Variants in CSMD1 observed in about 807,000 individuals in gnomAD.
CSMD1 encodes CUB and Sushi multiple domains 1, also known as CUB and sushi domain-containing protein 1.
In CSMD1, 213 loss-of-function variants were observed where a neutral mutation model predicts 417.5. The observed-to-expected ratio is 0.51, with a 90% CI of 0.46 to 0.57. The LOEUF is 0.57. CSMD1 is among the 20% of genes least tolerant of loss of function. CSMD1 has a pLI of 0.00. For synonymous variants in CSMD1, 2,862 were observed against 1,736.8 expected, an observed-to-expected ratio of 1.65 and a Z score of -16.11; for missense variants, 6,923 against 4,529.7, an observed-to-expected ratio of 1.53 and a Z score of -15.17.
At position 4,532,688 on chromosome 8, in the gene CSMD1, T is replaced by G. The variant is rs567453585; in HGVS notation, c.302+104654A>C. Among the ~76,000 whole-genome samples the G allele has an allele frequency of 3.3e-5, 4 of 121,092 alleles. No individual in the cohort carries two copies. The South Asian group carries it at 1.1e-3, about 34-fold the overall frequency. 79.4% of individuals were successfully genotyped at this position (121,092 alleles called of 152,430 possible). A position where few individuals can be genotyped will look rare whatever the true frequency, so the allele number is the denominator to read the frequency against. ...CCGGAAGAGAAATCCTGCACCCCCA[T>G]TCAATCACTTTGAAAAGAAATCCTG... On this transcript the variant is annotated intron_variant, in intron 2 of 69. Coordinates refer to ENST00000635120, the MANE Select transcript of CSMD1 (RefSeq NM_033225.6).
chr8:3,307,705 T>A lies in CSMD1; in HGVS notation c.3940A>T (p.Lys1314Ter). ...CTWIIEADPG[K>*]TISLHFIVFD... ...AAATAAAACAAGTACCTAATGGTCT[T>A]TCCTGGGTCTGCCTCTATAATCCAG... The change falls in exon 25 of 70, where the codon AAG becomes TAG. Residue 1314 changes from lysine to a stop codon, truncating the protein, a stop_gained. Transcript: ENST00000635120. LOFTEE classifies it high-confidence loss of function. 6.2e-7 allele frequency: 1 copy of A among 1,613,464 alleles called. No individual in the cohort carries two copies.
chr8:4,457,990 C>G (rs562146762), intron 2 of CSMD1, among the ~76,000 whole-genome samples: 9 of 152,262 alleles, frequency 5.9e-5, no homozygotes, highest in African/African-American at 2.2e-4. Context: ...TGGCACTTCC[C>G]CTGAGAGGTA....
At chr8:4,742,560 AAG>A (rs1810691774) in intron 1 of CSMD1, among the ~76,000 whole-genome samples, 1 of 152,064 alleles carries the variant, frequency 6.6e-6, no homozygotes. Flanking sequence ...CTGAGCATGT[AAG>A]AGAAATGTTT....
chr8:4,845,189 A>G (rs1801073077), intron 1 of CSMD1, among the ~76,000 whole-genome samples: 2 of 152,140 alleles, frequency 1.3e-5, no homozygotes, highest in Non-Finnish European at 2.9e-5. Flanking sequence ...ATAACACATT[A>G]TTACACAAAT....
intron 5 of CSMD1, among the ~76,000 whole-genome samples, chr8:3,987,527 G>T (rs1050002139): frequency 6.6e-6 from 1 of 152,148 alleles, no homozygotes; most frequent in African/African-American, 2.4e-5. Context: ...AAATCTGGGA[G>T]TCTGACTCTA....
chr8:4,753,265 T>A (rs1811453668), intron 1 of CSMD1, among the ~76,000 whole-genome samples: 1 of 152,068 alleles, frequency 6.6e-6, no homozygotes, highest in South Asian at 2.1e-4. Flanking sequence ...AAAGAAAATT[T>A]CCCTTATATT....
At chr8:3,426,083 C>G (rs1015631338) in intron 12 of CSMD1, among the ~76,000 whole-genome samples, 6 of 152,108 alleles carry the variant, frequency 3.9e-5, no homozygotes, top group African/African-American at 1.2e-4. Context: ...TGTAAAAAAG[C>G]AGAACAGACT....
chr8:4,460,689 G>C (rs1799760195), intron 2 of CSMD1, among the ~76,000 whole-genome samples: 1 of 152,006 alleles, frequency 6.6e-6, no homozygotes, highest in African/African-American at 2.4e-5. Context: ...ATAAACATCT[G>C]GTAGTCAACA....
chr8:4,374,410 G>T (rs899006298), intron 3 of CSMD1, among the ~76,000 whole-genome samples: 1 of 152,158 alleles, frequency 6.6e-6, no homozygotes, highest in Non-Finnish European at 1.5e-5. Flanking sequence ...GGGGCTGAAG[G>T]CACCTGAAAA....
rs147504134 is a variant in CSMD1 at position 4,482,184 on chromosome 8, T to G, written c.303-62119A>C. Among the ~76,000 whole-genome samples the G allele has an allele frequency of 4.1e-3, 631 of 152,256 alleles. 4 individuals carry two copies. The highest frequency in any genetic ancestry group is 6.9e-3 in the Non-Finnish European group (467 of 68,014). On this transcript the variant is annotated intron_variant, in intron 2 of 69. Coordinates refer to ENST00000635120, the MANE Select transcript of CSMD1 (RefSeq NM_033225.6). ...CATGGGGGTTTGCTGTATAGATTAT[T>G]TCACCCCCCAAGTATTAAGCCAAGT...
intron 3 of CSMD1, among the ~76,000 whole-genome samples, chr8:4,337,169 C>A (rs908757197): frequency 6.6e-6 from 1 of 152,116 alleles, no homozygotes; most frequent in Non-Finnish European, 1.5e-5. Flanking sequence ...TCTATCTATA[C>A]CTCTGTTTGC....
At chr8:4,827,776 A>C (rs114103529) in intron 1 of CSMD1, among the ~76,000 whole-genome samples, 2,134 of 152,276 alleles carry the variant, frequency 0.014, 40 homozygotes, top group African/African-American at 0.048. Flanking sequence ...TTAAAGATTG[A>C]AATTCAGCTC....
At chr8:3,990,710 T>G (rs1295879322) in intron 5 of CSMD1, among the ~76,000 whole-genome samples, 1 of 152,186 alleles carries the variant, frequency 6.6e-6, no homozygotes, top group Non-Finnish European at 1.5e-5. Context: ...CAGGCTTAAT[T>G]CTAGGCAATA....
At chr8:3,251,260 C>A (rs941016945) in intron 26 of CSMD1, among the ~76,000 whole-genome samples, 2 of 152,150 alleles carry the variant, frequency 1.3e-5, no homozygotes, top group African/African-American at 2.4e-5. Flanking sequence ...AGGAAGGAAT[C>A]CAGTTTCAGC....
intron 3 of CSMD1, among the ~76,000 whole-genome samples, chr8:4,157,824 C>A (rs968607264): frequency 3.3e-5 from 5 of 152,188 alleles, no homozygotes; most frequent in African/African-American, 4.8e-5. Flanking sequence ...TTTAGTCAGT[C>A]TCCTATCCTC....
chr8:4,033,713 G>C (rs917439766), intron 3 of CSMD1, among the ~76,000 whole-genome samples: 39 of 152,110 alleles, frequency 2.6e-4, no homozygotes, highest in African/African-American at 7.7e-4. Context: ...TACACAGTTT[G>C]ACTCTTTTCA....
At position 4,937,413 on chromosome 8, in the gene CSMD1, T is replaced by A. The variant is rs539105581; in HGVS notation, c.85+56919A>T. Among the ~76,000 whole-genome samples the A allele has an allele frequency of 6.6e-5, 10 of 152,236 alleles. No homozygotes were observed. The South Asian group carries it at 2.1e-3, about 32-fold the overall frequency. Reference sequence around the variant, plus strand: ...CTGGGAAATATGACAGGTTGAAGAATTCATATAAAAATAGTGTTTTTCTCT... The same window carrying A: ...CTGGGAAATATGACAGGTTGAAGAAATCATATAAAAATAGTGTTTTTCTCT... On this transcript the variant is annotated intron_variant, in intron 1 of 69. Coordinates refer to ENST00000635120, the MANE Select transcript of CSMD1 (RefSeq NM_033225.6).
At position 2,974,498 on chromosome 8, in the gene CSMD1, A is replaced by G. The variant is rs371501743; in HGVS notation, c.8693T>C (p.Val2898Ala). ...GCTCCAGTGACTGTCTTCCTGGCAC[A>G]CTCTCGTGTCGTTGCCTATGAGGCT... ...SESLIGNDTR[V>A]CQEDSHWSGA... Residue 2898 changes from valine (V) to alanine (A), a missense_variant, in exon 56 of 70, where the codon GTG becomes GCG. Coordinates refer to ENST00000635120, the MANE Select transcript of CSMD1 (RefSeq NM_033225.6). 1 of 1,613,102 alleles carries G rather than the reference A, an allele frequency of 6.2e-7. No individual in the cohort carries two copies. The highest frequency in any genetic ancestry group is 8.5e-7 in the Non-Finnish European group (1 of 1,179,298).
rs542387202 is a variant in CSMD1, at chr8:4,926,134, G to A, written c.85+68198C>T. On this transcript the variant is annotated intron_variant, in intron 1 of 69. Coordinates refer to ENST00000635120, the MANE Select transcript of CSMD1 (RefSeq NM_033225.6). ...ATATTTTATCAATGCCGATATTCAT[G>A]AGGCTGCCATATCATAAATTGAAAG... is the stretch of plus-strand genomic sequence containing the variant. Among the ~76,000 whole-genome samples, 564 of 152,222 alleles carry A rather than the reference G, an allele frequency of 3.7e-3. 2 individuals are homozygous for A. Among genetic ancestry groups the A allele is most frequent in the African/African-American group, 0.013 (547 of 41,544 alleles).
Sources: gnomAD v4.1 joint callset for allele counts (sites outside exome capture counted in the v4.1 genomes callset) on GRCh38, gnomAD v4.1.1 for gene constraint, MANE v1.5 for transcripts, NCBI Gene and HGNC (gene_info 2026-07-23, HGNC 2026-07-21) for gene names.